Variants in SMYD1 observed in about 807,000 individuals in gnomAD.
SMYD1 encodes SET and MYND domain containing 1.
SMYD1 carries 49 observed loss-of-function variants against 54.0 expected under a neutral mutation model. The ratio of observed to expected loss-of-function variants is 0.91; its 90% CI spans 0.72 to 1.15. The LOEUF (loss-of-function observed/expected upper bound fraction) is 1.15. Ranked by LOEUF, SMYD1 falls within the 50% of genes most tolerant of loss-of-function variation. SMYD1 has a pLI of 0.00. For synonymous variants in SMYD1, 269 were observed against 234.2 expected (o/e 1.15, Z -1.36); for missense variants, 653 against 639.6 (o/e 1.02, Z -0.23).
Position 88,110,635 on chromosome 2 carries a change from G to GC in SMYD1, c.*123_*124insC. On this transcript the variant is annotated 3_prime_UTR_variant, in exon 10 of 10. Transcript: ENST00000419482. Reference sequence around the variant, plus strand: ...GTAATGCTTAACATTGTTGCTGTGAGAATTTACTGCCCTATGTTTCCCAGA... The same window carrying GC: ...GTAATGCTTAACATTGTTGCTGTGAGCAATTTACTGCCCTATGTTTCCCAGA... The GC allele has an allele frequency of 7.9e-7, 1 of 1,266,100 alleles. No individual in the cohort carries two copies. The highest frequency in any genetic ancestry group is 1.1e-6 in the Non-Finnish European group (1 of 947,398). 78.4% of individuals were successfully genotyped at this position (1,266,100 alleles called of 1,614,324 possible). A position where few individuals can be genotyped will look rare whatever the true frequency, so the allele number is the denominator to read the frequency against.
rs2103989112 is a variant in SMYD1 at position 88,084,454 on chromosome 2, C to A, written c.276C>A (p.Ala92=). ...TGAACCACAAGAATGAATGTTCGGC[C>A]ATCAAGAGATATGGGAAGGTGCCCA... is the stretch of plus-strand genomic sequence containing the variant. ...AWLNHKNECS[A]IKRYGKVPNE... Residue 92 remains alanine, a synonymous_variant, in exon 2 of 10, where the codon GCC becomes GCA. Transcript: ENST00000419482. The A allele has an allele frequency of 1.2e-6, 2 of 1,603,306 alleles. No individual in the cohort carries two copies. Among genetic ancestry groups the A allele is most frequent in the Non-Finnish European group, 1.7e-6 (2 of 1,171,308 alleles).
chr2:88,108,457 T>C lies in SMYD1; in HGVS notation c.1232T>C (p.Val411Ala), dbSNP rs578021420. 1 of 1,612,772 alleles carries C rather than the reference T, an allele frequency of 6.2e-7. No homozygotes were observed. The highest frequency in any genetic ancestry group is 1.7e-5 in the Admixed American group (1 of 59,864). Residue 411 changes from valine to alanine, a missense_variant, in exon 9 of 10, where the codon GTG becomes GCG. Coordinates refer to ENST00000419482, the MANE Select transcript of SMYD1 (RefSeq NM_198274.4). ...AACTGGCATGCTGGTAACATTGAGG[T>C]GGGGCACGGGATGATCTGCAAAGCC... Reference protein sequence around the residue: ...LTNWHAGNIEVGHGMICKAYA... With the variant: ...LTNWHAGNIEAGHGMICKAYA...
intron 3 of SMYD1, among the ~76,000 whole-genome samples, chr2:88,090,385 G>A (rs1277546439): frequency 6.6e-6 from 1 of 152,148 alleles, no homozygotes; most frequent in Non-Finnish European, 1.5e-5. Context: ...GTCTGTTTCT[G>A]TAAAGAAAAA....
Position 88,110,459 on chromosome 2 carries a change from A to G in SMYD1, c.1420A>G (p.Met474Val), listed in dbSNP as rs1357946093. Residue 474 changes from methionine (M) to valine (V), a missense_variant, in exon 10 of 10, where the codon ATG (methionine) becomes GTG (valine). Physicochemically the swap from Met to Val is conservative, Grantham distance 21. Transcript: ENST00000419482. ...CCTGAACAACCAGCCCATGCAGGTCATGGCCGAGCCCAGCAATGAGCCATC... is the reference window on the plus strand; with the variant it reads ...CCTGAACAACCAGCCCATGCAGGTCGTGGCCGAGCCCAGCAATGAGCCATC... ...AALNNQPMQVMAEPSNEPSPA... is the reference protein window; with the variant it reads ...AALNNQPMQVVAEPSNEPSPA... 1.9e-6 allele frequency: 3 copies of G among 1,604,710 alleles called. No homozygotes were observed. In the African/African-American group the frequency reaches 4.0e-5, roughly 21 times the overall value.
intron 6 of SMYD1, 71 bp from the exon 7 acceptor site, chr2:88,102,987 G>T: frequency 8.4e-7 from 1 of 1,186,646 alleles, no homozygotes; most frequent in South Asian, 1.2e-5. Flanking sequence ...TGTCAAAGAT[G>T]GCAACTATTC....
In SMYD1 at chr2:88,079,609, C is replaced by G. The variant is rs559628400; in HGVS notation, c.138-4707C>G. Among the ~76,000 whole-genome samples the G allele has an allele frequency of 2.6e-4, 39 of 152,278 alleles. 1 individual carries two copies. Among genetic ancestry groups the G allele is most frequent in the African/African-American group, 9.1e-4 (38 of 41,548 alleles). On this transcript the variant is annotated intron_variant, in intron 1 of 9. Coordinates refer to ENST00000419482, the MANE Select transcript of SMYD1 (RefSeq NM_198274.4). ...GGCCAAGGTGGGCAGATCACGAGGT[C>G]AGGAGTTCCAGACTAGCCTGACCAA...
In SMYD1 at chr2:88,084,479, A is replaced by G. The variant is rs775725787; in HGVS notation, c.301A>G (p.Asn101Asp). ...SAIKRYGKVPNENIRLAARIM... is the reference protein window; with the variant it reads ...SAIKRYGKVPDENIRLAARIM... Reference sequence around the variant, plus strand: ...CATCAAGAGATATGGGAAGGTGCCCAATGAGAACATCAGGTGAGAGCTGGG... The same window carrying G: ...CATCAAGAGATATGGGAAGGTGCCCGATGAGAACATCAGGTGAGAGCTGGG... Residue 101 changes from asparagine (N) to aspartate (D), a missense_variant, in exon 2 of 10, where the codon AAT (asparagine) becomes GAT (aspartate). Physicochemically the swap from Asn to Asp is conservative, Grantham distance 23. Coordinates refer to ENST00000419482, the MANE Select transcript of SMYD1 (RefSeq NM_198274.4). 6.3e-7 allele frequency: 1 copy of G among 1,588,538 alleles called. No individual in the cohort carries two copies. The highest frequency in any genetic ancestry group is 2.3e-5 in the East Asian group (1 of 44,226).
intron 6 of SMYD1, among the ~76,000 whole-genome samples, chr2:88,097,488 C>T (rs889325497): frequency 2.0e-5 from 3 of 152,102 alleles, no homozygotes; most frequent in Admixed American, 6.5e-5. Context: ...AAGCTAAAAC[C>T]GAAGAAAGCA....
chr2:88,109,661 G>T (rs10192400), intron 9 of SMYD1, among the ~76,000 whole-genome samples: 72,663 of 151,944 alleles, frequency 0.48, 17,711 homozygotes, highest in Non-Finnish European at 0.51. Context: ...GACTGGCGTG[G>T]TCTCAGACAT....
rs72845818 is a variant in SMYD1 at position 88,110,465 on chromosome 2, G to A, written c.1426G>A (p.Glu476Lys). 1.4e-3 allele frequency: 2,202 copies of A among 1,602,046 alleles called. 2 individuals carry two copies. Among genetic ancestry groups the A allele is most frequent in the Non-Finnish European group, 1.6e-3 (1,910 of 1,174,060 alleles). Residue 476 changes from glutamate to lysine, a missense_variant, in exon 10 of 10, where the codon GAG (glutamate) becomes AAG (lysine). Glu to Lys is a moderately conservative substitution (Grantham distance 56, BLOSUM62 1). Transcript: ENST00000419482. ...LNNQPMQVMA[E>K]PSNEPSPALF... ...CAACCAGCCCATGCAGGTCATGGCC[G>A]AGCCCAGCAATGAGCCATCCCCAGC... is the stretch of plus-strand genomic sequence containing the variant.
At chr2:88,093,661 A>G (rs1674512469) in intron 5 of SMYD1, 106 bp downstream of exon 5, 3 of 1,245,186 alleles carry the variant, frequency 2.4e-6, no homozygotes, top group Non-Finnish European at 3.5e-6. Context: ...CCATCTGTCC[A>G]TAACGTCCTT....
intron 1 of SMYD1, among the ~76,000 whole-genome samples, chr2:88,070,797 G>A (rs1673929821): frequency 6.6e-6 from 1 of 151,922 alleles, no homozygotes; most frequent in Non-Finnish European, 1.5e-5. Flanking sequence ...ACGAAAATTA[G>A]CCAGGCATGA....
intron 6 of SMYD1, among the ~76,000 whole-genome samples, chr2:88,100,503 T>C (rs1674697530): frequency 6.6e-6 from 1 of 152,216 alleles, no homozygotes; most frequent in African/African-American, 2.4e-5. Context: ...TCATACACTA[T>C]ACATGATTTT....
chr2:88,079,275 C>G (rs1200478134), intron 1 of SMYD1, among the ~76,000 whole-genome samples: 1 of 152,158 alleles, frequency 6.6e-6, no homozygotes, highest in Non-Finnish European at 1.5e-5. Flanking sequence ...ACATGAGGGT[C>G]ATGCCACTGG....
At chr2:88,105,938 C>T (rs1413790865) in intron 7 of SMYD1, among the ~76,000 whole-genome samples, 2 of 141,102 alleles carry the variant, frequency 1.4e-5, no homozygotes, top group African/African-American at 2.7e-5. Flanking sequence ...ACTCTTGTCT[C>T]GAAATATATA....
At chr2:88,086,326 G>C (rs1674323085) in intron 2 of SMYD1, among the ~76,000 whole-genome samples, 1 of 152,194 alleles carries the variant, frequency 6.6e-6, no homozygotes, top group South Asian at 2.1e-4. Flanking sequence ...TCTCTCCTCA[G>C]GGACAGGATC....
chr2:88,087,915 A>AG lies in SMYD1; in HGVS notation c.371dup (p.Cys125LeufsTer54), dbSNP rs1450561827. On this transcript the variant is annotated frameshift_variant, in exon 3 of 10. Coordinates refer to ENST00000419482, the MANE Select transcript of SMYD1 (RefSeq NM_198274.4). LOFTEE classifies it high-confidence loss of function. Reference sequence around the variant, plus strand: ...GAGAGAGAAGGCACCGGGCTCACGGAGGGCTGCCTGGTGTCCGTGGACGAC... The same window carrying AG: ...GAGAGAGAAGGCACCGGGCTCACGGAGGGGCTGCCTGGTGTCCGTGGACGAC... 1.2e-6 allele frequency: 2 copies of AG among 1,612,606 alleles called. No individual in the cohort carries two copies. Among genetic ancestry groups the AG allele is most frequent in the Non-Finnish European group, 1.7e-6 (2 of 1,179,360 alleles).
At chr2:88,085,611 T>G (rs949770868) in intron 2 of SMYD1, among the ~76,000 whole-genome samples, 1 of 152,206 alleles carries the variant, frequency 6.6e-6, no homozygotes, top group Non-Finnish European at 1.5e-5. Flanking sequence ...CTACATATCC[T>G]TCAAGACCTG....
chr2:88,088,504 C>G (rs1674390921), intron 3 of SMYD1, among the ~76,000 whole-genome samples: 1 of 152,048 alleles, frequency 6.6e-6, no homozygotes, highest in South Asian at 2.1e-4. Context: ...AAGTGAAGAC[C>G]CCTCATCCTG....
Sources: allele counts gnomAD v4.1 joint callset (sites outside exome capture counted in the v4.1 genomes callset), GRCh38; gene constraint gnomAD v4.1.1; transcripts MANE v1.5; gene names NCBI Gene and HGNC (gene_info 2026-07-23, HGNC 2026-07-21).